EXT1: variants seen among roughly 807,000 people sequenced by gnomAD.
EXT1 encodes the protein exostosin glycosyltransferase 1.
A neutral mutation model predicts 82.5 loss-of-function variants in EXT1; 20 were observed. The ratio of observed to expected loss-of-function variants is 0.24; its 90% confidence interval spans 0.17 to 0.35. EXT1 has a LOEUF of 0.35. Among genes scored for constraint, EXT1 ranks in the 10% least tolerant of loss-of-function variants. EXT1 has a pLI of 1.00. For synonymous variants in EXT1, 348 were observed against 350.8 expected, an observed-to-expected ratio of 0.99 and a Z score of 0.09; for missense variants, 757 against 936.5, an observed-to-expected ratio of 0.81 and a Z score of 2.50.
chr8:117,830,188 A>C, intron 4 of EXT1, 42 bp downstream of exon 4: 1 of 1,612,938 alleles, frequency 6.2e-7, no homozygotes, highest in South Asian at 1.1e-5. Context: ...AAGTGTATAA[A>C]GGACCATTAT....
At chr8:117,863,087 C>A (rs146429277) in intron 1 of EXT1, among the ~76,000 whole-genome samples, 3 of 152,238 alleles carry the variant, frequency 2.0e-5, no homozygotes, top group African/African-American at 7.2e-5. Flanking sequence ...ATGTACTCCA[C>A]AGAAAACACA....
intron 1 of EXT1, among the ~76,000 whole-genome samples, chr8:118,066,188 C>T (rs1283028305): frequency 6.6e-6 from 1 of 152,138 alleles, no homozygotes; most frequent in Non-Finnish European, 1.5e-5. Context: ...GCAAGACTAA[C>T]CCCTCATCTT....
chr8:117,971,301 A>G (rs1328883755), intron 1 of EXT1, among the ~76,000 whole-genome samples: 1 of 152,212 alleles, frequency 6.6e-6, no homozygotes, highest in Non-Finnish European at 1.5e-5. Context: ...CCCTGCCCTC[A>G]AAGCCTTAGT....
At chr8:117,884,783 T>C (rs1398296016) in intron 1 of EXT1, among the ~76,000 whole-genome samples, 1 of 152,190 alleles carries the variant, frequency 6.6e-6, no homozygotes, top group Non-Finnish European at 1.5e-5. Flanking sequence ...GGGGTGGGTA[T>C]AGCACCCAGC....
chr8:118,023,771 A>G (rs1479594236), intron 1 of EXT1, among the ~76,000 whole-genome samples: 1 of 152,270 alleles, frequency 6.6e-6, no homozygotes, highest in African/African-American at 2.4e-5. Flanking sequence ...CAGCTGCAAC[A>G]GCAGGTAATA....
intron 1 of EXT1, among the ~76,000 whole-genome samples, chr8:118,057,748 A>C (rs189752892): frequency 0.02 from 3,085 of 151,146 alleles, 104 homozygotes; most frequent in African/African-American, 0.071. Context: ...CCGAGGCGGG[A>C]GGATCACCTG....
chr8:118,096,557 CGCCACTGCG>C (rs1817613936), intron 1 of EXT1, among the ~76,000 whole-genome samples: 1 of 150,172 alleles, frequency 6.7e-6, no homozygotes, highest in Non-Finnish European at 1.5e-5. Flanking sequence ...GCCGAGATCA[CGCCACTGCG>C]GCCTGGCGAC....
At chr8:117,979,208 C>G (rs1815130886) in intron 1 of EXT1, among the ~76,000 whole-genome samples, 1 of 151,852 alleles carries the variant, frequency 6.6e-6, no homozygotes, top group Admixed American at 6.6e-5. Flanking sequence ...CAAAAATTGG[C>G]CGGGCACTGG....
chr8:117,875,462 AAATAAAAT>A (rs1387037061), intron 1 of EXT1, among the ~76,000 whole-genome samples: 3 of 127,272 alleles, frequency 2.4e-5, no homozygotes, highest in African/African-American at 6.3e-5. Context: ...ATAAATAAAT[AAATAAAAT>A]AATAAAGGTA....
At chr8:118,035,176 T>G (rs769897353) in intron 1 of EXT1, among the ~76,000 whole-genome samples, 5 of 152,154 alleles carry the variant, frequency 3.3e-5, no homozygotes, top group Non-Finnish European at 7.4e-5. Context: ...ATGCATCAGC[T>G]TTTCATCCAT....
chr8:117,822,962 A>G (rs1041999198), intron 4 of EXT1, among the ~76,000 whole-genome samples: 2 of 152,146 alleles, frequency 1.3e-5, no homozygotes, highest in African/African-American at 4.8e-5. Context: ...CCAGGCCCCT[A>G]TCAAGAAGAT....
intron 1 of EXT1, among the ~76,000 whole-genome samples, chr8:117,840,025 G>C (rs115633443): frequency 0.015 from 2,232 of 152,268 alleles, 51 homozygotes; most frequent in African/African-American, 0.047. Context: ...ACACAAAGAA[G>C]TCTGTGGCCA....
Position 118,098,244 on chromosome 8 carries a change from C to T in EXT1, c.962+11841G>A, listed in dbSNP as rs185700717. On this transcript the variant is annotated intron_variant, in intron 1 of 10. Coordinates refer to ENST00000378204, the MANE Select transcript of EXT1 (RefSeq NM_000127.3). ...CTGCTACACGTCCAAGCTAGGCCCCCGCTAGGAGTGTGAAATGCCCAACAT... is the reference window on the plus strand; with the variant it reads ...CTGCTACACGTCCAAGCTAGGCCCCTGCTAGGAGTGTGAAATGCCCAACAT... Among the ~76,000 whole-genome samples, 471 of 152,244 alleles carry T rather than the reference C, an allele frequency of 3.1e-3. 2 individuals are homozygous for T. In the Middle Eastern group the frequency reaches 0.034, roughly 11 times the overall value.
chr8:118,084,749 C>A (rs764437720), intron 1 of EXT1, among the ~76,000 whole-genome samples: 3 of 152,220 alleles, frequency 2.0e-5, no homozygotes, highest in Non-Finnish European at 2.9e-5. Context: ...AAATCCTACT[C>A]CGCCCCTTAT....
intron 1 of EXT1, among the ~76,000 whole-genome samples, chr8:117,999,702 C>G (rs192352895): frequency 2.0e-4 from 30 of 152,302 alleles, no homozygotes; most frequent in African/African-American, 7.0e-4. Flanking sequence ...AGTTTTTAAT[C>G]TGTAGGCCTT....
intron 3 of EXT1, among the ~76,000 whole-genome samples, chr8:117,833,214 C>CA (rs1409994830): frequency 6.6e-6 from 1 of 152,104 alleles, no homozygotes; most frequent in Non-Finnish European, 1.5e-5. Context: ...AGGGGAAAAA[C>CA]ACCAGCAAGT....
chr8:117,953,404 G>A (rs1175907685), intron 1 of EXT1, among the ~76,000 whole-genome samples: 1 of 151,868 alleles, frequency 6.6e-6, no homozygotes, highest in Non-Finnish European at 1.5e-5. Context: ...CCATGATTCT[G>A]CAAATGGTTT....
At position 118,110,191 on chromosome 8, in the gene EXT1, C is replaced by A. The variant is rs551552671; in HGVS notation, c.856G>T (p.Val286Phe). Residue 286 changes from valine to phenylalanine, a missense_variant, in exon 1 of 11, where the codon GTC becomes TTC. Physicochemically the swap from Val to Phe is conservative, Grantham distance 50. This residue lies in a region of EXT1 where 247 missense variants were observed against 330.1 expected (regional missense o/e 0.75). Transcript: ENST00000378204. ...AGCACAACGTCCTCCCCGTTATGGA[C>A]GTGATATAAGGCATTCCTGGTGTCT... ...GSDTRNALYH[V>F]HNGEDVVLLT... 6.2e-7 allele frequency: 1 copy of A among 1,614,196 alleles called. No individual in the cohort carries two copies. The highest frequency in any genetic ancestry group is 1.3e-5 in the African/African-American group (1 of 75,044).
At chr8:117,834,621 C>CACATAT (rs1554579888) in intron 3 of EXT1, among the ~76,000 whole-genome samples, 2 of 151,498 alleles carry the variant, frequency 1.3e-5, no homozygotes, top group East Asian at 1.9e-4. Context: ...CACAAACACA[C>CACATAT]ACACATACAC....
Sources: allele counts gnomAD v4.1 joint callset (sites outside exome capture counted in the v4.1 genomes callset), GRCh38; gene constraint gnomAD v4.1.1; regional missense constraint gnomAD v4.1.1; transcripts MANE v1.5; gene names NCBI Gene and HGNC (gene_info 2026-07-23, HGNC 2026-07-21).